Variants in MXI1 observed in about 807,000 individuals in gnomAD.
MXI1 encodes the protein MAX interactor 1, dimerization protein.
MXI1 carries 18 observed loss-of-function variants against 36.9 expected under a neutral mutation model. The observed-to-expected ratio is 0.49, with a 90% CI of 0.34 to 0.72. MXI1 has a LOEUF of 0.72. Ranked by LOEUF, MXI1 falls within the 30% of genes least tolerant of loss-of-function variation. The pLI is 0.01. For missense variants in MXI1, 304 were observed against 379.1 expected (o/e 0.80, Z 1.64); for synonymous variants, 160 against 146.7 (o/e 1.09, Z -0.65).
intron 3 of MXI1, chr10:110,257,528 C>G (rs1856353014): frequency 6.6e-6 from 1 of 152,496 alleles, no homozygotes; most frequent in Non-Finnish European, 1.5e-5. Flanking sequence ...CCAAACTGGT[C>G]TCAAACTCCT....
At position 110,262,340 on chromosome 10, in the gene MXI1, T is replaced by G. The variant is rs1856546125; in HGVS notation, c.438-16840T>G. On this transcript the variant is annotated intron_variant, in intron 3 of 5. Transcript: ENST00000332674. ...ATGTACATAGGTTATATGCAAATAT[T>G]ACACCATTTTATATCAGGGACTTCA... Among the ~76,000 whole-genome samples, 14 of 152,276 alleles carry G rather than the reference T, an allele frequency of 9.2e-5. No homozygotes were observed. The South Asian group carries it at 2.3e-3, about 25-fold the overall frequency.
chr10:110,263,461 A>G (rs1357228345), intron 3 of MXI1, among the ~76,000 whole-genome samples: 3 of 152,226 alleles, frequency 2.0e-5, no homozygotes, highest in Non-Finnish European at 4.4e-5. Flanking sequence ...TCTTGAGTGC[A>G]ATGGTTTTAC....
rs1854403999 is a variant in MXI1 at position 110,207,983 on chromosome 10, G to C, written c.175G>C (p.Glu59Gln). Residue 59 changes from glutamate (E) to glutamine (Q), a missense_variant, in exon 1 of 6, where the codon GAG becomes CAG. By Grantham distance (29) the Glu-to-Gln change is conservative (BLOSUM62 2). This residue lies in a region of MXI1 where 179 missense variants were observed against 184.8 expected (regional missense o/e 0.97). Coordinates refer to ENST00000332674, the MANE Select transcript of MXI1 (RefSeq NM_130439.3). ...CPFSDIFNTS[E>Q]NSMEKHINTF... The stretch of plus-strand genomic sequence containing the variant: ...CTTCTCAGACATTTTCAACACCAGC[G>C]AGAACTCGATGGAGAAGCACATCAA... The C allele has an allele frequency of 6.2e-7, 1 of 1,600,594 alleles. No homozygotes were observed. Among genetic ancestry groups the C allele is most frequent in the Non-Finnish European group, 8.5e-7 (1 of 1,174,036 alleles).
At chr10:110,232,367 C>A (rs189543326) in intron 2 of MXI1, among the ~76,000 whole-genome samples, 1 of 152,156 alleles carries the variant, frequency 6.6e-6, no homozygotes, top group Non-Finnish European at 1.5e-5. Context: ...GAATCATTTT[C>A]CCTCCCCCTT....
chr10:110,230,176 A>G (rs1179753843), intron 2 of MXI1, among the ~76,000 whole-genome samples: 1 of 152,248 alleles, frequency 6.6e-6, no homozygotes, highest in African/African-American at 2.4e-5. Flanking sequence ...CATAAATAAG[A>G]TGCACATTCC....
chr10:110,278,160 C>A (rs1857102625), intron 3 of MXI1, among the ~76,000 whole-genome samples: 2 of 152,114 alleles, frequency 1.3e-5, no homozygotes, highest in South Asian at 4.1e-4. Context: ...AAACACAGGA[C>A]CAAAGATGTG....
At chr10:110,221,402 C>T (rs578073469) in intron 1 of MXI1, among the ~76,000 whole-genome samples, 1 of 152,290 alleles carries the variant, frequency 6.6e-6, no homozygotes, top group Admixed American at 6.5e-5. Context: ...GGGAAATATT[C>T]ACTTGGCATG....
chr10:110,272,462 T>G (rs943930953), intron 3 of MXI1, among the ~76,000 whole-genome samples: 1 of 152,178 alleles, frequency 6.6e-6, no homozygotes, highest in Non-Finnish European at 1.5e-5. Context: ...TTATGACTTC[T>G]GGAAAGGATA....
At chr10:110,278,404 G>A (rs542952434) in intron 3 of MXI1, among the ~76,000 whole-genome samples, 3 of 152,242 alleles carry the variant, frequency 2.0e-5, no homozygotes, top group East Asian at 3.9e-4. Context: ...TGAGAGAGAC[G>A]AGAGAGGAAG....
intron 2 of MXI1, among the ~76,000 whole-genome samples, chr10:110,242,773 A>G (rs933434166): frequency 4.6e-5 from 7 of 151,982 alleles, no homozygotes; most frequent in Non-Finnish European, 1.0e-4. Context: ...ATTGTTGAGT[A>G]TATTATCTCT....
intron 2 of MXI1, among the ~76,000 whole-genome samples, chr10:110,238,954 G>A (rs536876358): frequency 6.6e-6 from 1 of 152,044 alleles, no homozygotes; most frequent in Non-Finnish European, 1.5e-5. Context: ...TTTTTGTATT[G>A]TAATTTTTGT....
chr10:110,230,481 A>G (rs1855220428), intron 2 of MXI1, among the ~76,000 whole-genome samples: 1 of 152,256 alleles, frequency 6.6e-6, no homozygotes, highest in South Asian at 2.1e-4. Context: ...TTATGGGAAT[A>G]TAAGTAGCAA....
At chr10:110,255,260 A>C (rs1413571225) in intron 3 of MXI1, among the ~76,000 whole-genome samples, 1 of 152,234 alleles carries the variant, frequency 6.6e-6, no homozygotes, top group Non-Finnish European at 1.5e-5. Context: ...CATTGTTTAT[A>C]GCATAGTTTA....
intron 2 of MXI1, 25 bp downstream of exon 2, chr10:110,228,346 G>C: frequency 6.2e-7 from 1 of 1,613,406 alleles, no homozygotes; most frequent in Non-Finnish European, 8.5e-7. Flanking sequence ...ACGCTTAGAA[G>C]AGGGAACTGG....
intron 3 of MXI1, among the ~76,000 whole-genome samples, chr10:110,250,869 T>C (rs367597515): frequency 1.2e-4 from 18 of 150,714 alleles, no homozygotes; most frequent in East Asian, 5.8e-4. Context: ...AACAGGACTC[T>C]GATGGTCAAG....
intron 3 of MXI1, among the ~76,000 whole-genome samples, chr10:110,258,887 C>T (rs953048343): frequency 2.6e-5 from 4 of 151,560 alleles, no homozygotes; most frequent in Non-Finnish European, 5.9e-5. Flanking sequence ...ACCTAGGTTA[C>T]ATATACAGCA....
intron 1 of MXI1, among the ~76,000 whole-genome samples, chr10:110,209,302 C>T (rs538839265): frequency 2.4e-4 from 37 of 151,994 alleles, no homozygotes; most frequent in South Asian, 1.9e-3. Context: ...ATCAATGAGG[C>T]GCGAGTGTGT....
chr10:110,228,367 C>T, intron 2 of MXI1, 46 bp downstream of exon 2: 4 of 1,609,596 alleles, frequency 2.5e-6, no homozygotes, highest in Non-Finnish European at 3.4e-6. Flanking sequence ...AGGGAAGGAG[C>T]ACATTTCTCC....
At chr10:110,244,687 A>G in intron 2 of MXI1, 141 bp from the exon 3 acceptor site, 1 of 610,910 alleles carries the variant, frequency 1.6e-6, no homozygotes, top group Non-Finnish European at 2.9e-6. Context: ...TTTCCTCTCG[A>G]TGAGTGAGCT....
Sources: gnomAD v4.1 joint callset for allele counts (sites outside exome capture counted in the v4.1 genomes callset) on GRCh38, gnomAD v4.1.1 for gene constraint, gnomAD v4.1.1 regional missense constraint, MANE v1.5 for transcripts, NCBI Gene and HGNC (gene_info 2026-07-23, HGNC 2026-07-21) for gene names.